The following CCDC146 variants were observed in gnomAD, a reference collection of about 807,000 sequenced individuals.
CCDC146 encodes coiled-coil domain-containing protein 146.
In CCDC146, 92 loss-of-function variants were observed where a neutral mutation model predicts 119.3. That is an observed-to-expected ratio of 0.77 (90% CI 0.65 to 0.92). The LOEUF (loss-of-function observed/expected upper bound fraction) is 0.92, where lower values mean the gene tolerates loss of function less well. Among genes scored for constraint, CCDC146 ranks in the 40% least tolerant of loss-of-function variants. The probability of loss-of-function intolerance (pLI) is 0.00; values close to 1 mark genes in which losing one functional copy is unlikely to be tolerated. For synonymous variants in CCDC146, 372 were observed against 371.8 expected (o/e 1.00, Z -0.01); for missense variants, 1,000 against 1,103.0 (o/e 0.91, Z 1.32).
intron 17 of CCDC146, among the ~76,000 whole-genome samples, chr7:77,289,634 C>T (rs1488106266): frequency 6.6e-6 from 1 of 152,174 alleles, no homozygotes; most frequent in Non-Finnish European, 1.5e-5. Flanking sequence ...CATAGTCGAA[C>T]ACGTAAGTGA....
chr7:77,256,548 G>A (rs1402873021), intron 6 of CCDC146, 39 bp downstream of exon 6: 1 of 1,528,626 alleles, frequency 6.5e-7, no homozygotes, highest in Admixed American at 2.1e-5. Context: ...ATTGTGCCTT[G>A]CATGGATATA....
chr7:77,201,924 A>T (rs3114360), intron 2 of CCDC146, among the ~76,000 whole-genome samples: 21,578 of 152,150 alleles, frequency 0.14, 2,068 homozygotes, highest in East Asian at 0.3. Context: ...TAAAAAAAAA[A>T]ACCATTTTGT....
intron 2 of CCDC146, among the ~76,000 whole-genome samples, chr7:77,216,006 C>T (rs923490763): frequency 6.6e-6 from 1 of 151,998 alleles, no homozygotes. Context: ...ACCCCCCCAC[C>T]TTGTTTCCTC....
intron 2 of CCDC146, among the ~76,000 whole-genome samples, chr7:77,168,334 A>G (rs1253330515): frequency 2.6e-5 from 4 of 151,968 alleles, no homozygotes; most frequent in African/African-American, 9.7e-5. Context: ...ACATTTAGGA[A>G]ATACCCATAT....
intron 15 of CCDC146, among the ~76,000 whole-genome samples, chr7:77,284,716 T>C (rs1160908066): frequency 6.6e-6 from 1 of 151,736 alleles, no homozygotes; most frequent in East Asian, 1.9e-4. Flanking sequence ...GAAGGAAATA[T>C]TATGCATTTC....
chr7:77,271,183 T>C (rs1181477609), intron 9 of CCDC146, among the ~76,000 whole-genome samples: 3 of 151,932 alleles, frequency 2.0e-5, no homozygotes. Flanking sequence ...AGATGAACCT[T>C]TGAGTCAGTG....
intron 2 of CCDC146, among the ~76,000 whole-genome samples, chr7:77,168,851 C>G (rs894498354): frequency 6.6e-6 from 1 of 151,970 alleles, no homozygotes; most frequent in Non-Finnish European, 1.5e-5. Context: ...CTTTCTCTCT[C>G]TCTGAAGACA....
chr7:77,123,529 T>G (rs1010008712), intron 1 of CCDC146, among the ~76,000 whole-genome samples: 1 of 151,890 alleles, frequency 6.6e-6, no homozygotes, highest in African/African-American at 2.4e-5. Context: ...TTTTTCTTCT[T>G]TCCTGCCTGG....
In CCDC146 at chr7:77,287,098, T is replaced by C. The variant is rs1466615095; in HGVS notation, c.2277+172T>C. The C allele has an allele frequency of 3.9e-6, 3 of 770,290 alleles. No individual in the cohort carries two copies. In the East Asian group the frequency reaches 8.2e-5, roughly 21 times the overall value. 47.7% of individuals were successfully genotyped at this position (770,290 alleles called of 1,614,324 possible). A position where few individuals can be genotyped will look rare whatever the true frequency, so the allele number is the denominator to read the frequency against. On this transcript the variant is annotated intron_variant, in intron 16 of 18. Transcript: ENST00000285871. Reference sequence around the variant, plus strand: ...TACATTCTAAGCTTGATTTAGACACTTGCCAAAAGAAGTTCCAATCCAGTG... The same window carrying C: ...TACATTCTAAGCTTGATTTAGACACCTGCCAAAAGAAGTTCCAATCCAGTG...
At chr7:77,133,705 A>G (rs1790819895) in intron 1 of CCDC146, among the ~76,000 whole-genome samples, 1 of 147,900 alleles carries the variant, frequency 6.8e-6, no homozygotes, top group African/African-American at 2.5e-5. Flanking sequence ...GAGGTCCCAT[A>G]CAATGCAATT....
At chr7:77,239,685 G>A (rs1792807835) in intron 3 of CCDC146, among the ~76,000 whole-genome samples, 1 of 152,162 alleles carries the variant, frequency 6.6e-6, no homozygotes, top group Non-Finnish European at 1.5e-5. Context: ...AAGTGGTGAG[G>A]GCTTACTTCA....
At chr7:77,215,670 T>C (rs1792289109) in intron 2 of CCDC146, among the ~76,000 whole-genome samples, 2 of 152,128 alleles carry the variant, frequency 1.3e-5, no homozygotes, top group Admixed American at 1.3e-4. Context: ...AGATGTCTCT[T>C]TTCTCCACAT....
At chr7:77,247,721 A>C (rs1329951148) in intron 4 of CCDC146, among the ~76,000 whole-genome samples, 1 of 152,228 alleles carries the variant, frequency 6.6e-6, no homozygotes, top group Non-Finnish European at 1.5e-5. Flanking sequence ...GAGAAATGCA[A>C]ATTAAAACCA....
chr7:77,242,270 G>A, intron 4 of CCDC146: 1 of 497,846 alleles, frequency 2.0e-6, no homozygotes, highest in Non-Finnish European at 2.7e-6. Flanking sequence ...CATCTGCATG[G>A]TGAGCACTTC....
At chr7:77,178,338 A>G (rs1387856650) in intron 2 of CCDC146, among the ~76,000 whole-genome samples, 1 of 152,218 alleles carries the variant, frequency 6.6e-6, no homozygotes, top group African/African-American at 2.4e-5. Flanking sequence ...AGAAAGATAA[A>G]GAAAAATTGG....
At chr7:77,238,135 C>T (rs1476832859) in intron 3 of CCDC146, among the ~76,000 whole-genome samples, 1 of 152,166 alleles carries the variant, frequency 6.6e-6, no homozygotes, top group African/African-American at 2.4e-5. Context: ...CCTCACACCC[C>T]TCCAAAGCCC....
intron 1 of CCDC146, among the ~76,000 whole-genome samples, chr7:77,123,757 A>G (rs1175314759): frequency 6.6e-6 from 1 of 152,152 alleles, no homozygotes; most frequent in African/African-American, 2.4e-5. Context: ...TCTGCTAGCC[A>G]CTACCTTTTT....
At chr7:77,190,701 C>G (rs1357730329) in intron 2 of CCDC146, among the ~76,000 whole-genome samples, 1 of 152,164 alleles carries the variant, frequency 6.6e-6, no homozygotes, top group Non-Finnish European at 1.5e-5. Context: ...AGTCAATCAA[C>G]AAAGGAGACC....
At chr7:77,261,223 A>G (rs973780614) in intron 8 of CCDC146, among the ~76,000 whole-genome samples, 3 of 152,102 alleles carry the variant, frequency 2.0e-5, no homozygotes, top group African/African-American at 7.3e-5. Context: ...TTTGTTATCC[A>G]AGTATTAAGC....
Sources: gnomAD v4.1 joint callset for allele counts (sites outside exome capture counted in the v4.1 genomes callset) on GRCh38, gnomAD v4.1.1 for gene constraint, MANE v1.5 for transcripts, NCBI Gene and HGNC (gene_info 2026-07-23, HGNC 2026-07-21) for gene names.